The following FCRL5 variants were observed in gnomAD, a reference collection of about 807,000 sequenced individuals.
FCRL5 encodes the protein Fc receptor like 5, also known as Fc receptor-like protein 5.
In FCRL5, 79 loss-of-function variants were observed where a neutral mutation model predicts 92.1. The ratio of observed to expected loss-of-function variants is 0.86; its 90% confidence interval spans 0.72 to 1.03. FCRL5 has a LOEUF of 1.03. FCRL5 is among the 50% of genes least tolerant of loss of function. The pLI is 0.00. For synonymous variants in FCRL5, 466 were observed against 469.3 expected, an observed-to-expected ratio of 0.99 and a Z score of 0.09; for missense variants, 1,160 against 1,181.1, an observed-to-expected ratio of 0.98 and a Z score of 0.26.
At chr1:157,528,837 A>T (rs1428056066) in intron 8 of FCRL5, among the ~76,000 whole-genome samples, 1 of 152,242 alleles carries the variant, frequency 6.6e-6, no homozygotes, top group Non-Finnish European at 1.5e-5. Flanking sequence ...CATAAATCTG[A>T]GACCTAAAAC....
intron 8 of FCRL5, among the ~76,000 whole-genome samples, chr1:157,529,798 A>AT (rs1650606851): frequency 6.6e-6 from 1 of 152,194 alleles, no homozygotes; most frequent in Non-Finnish European, 1.5e-5. Flanking sequence ...AATATAATAG[A>AT]TTCTGGGGAT....
At chr1:157,518,832 C>T in intron 13 of FCRL5, 50 bp from the exon 14 acceptor site, 1 of 1,484,526 alleles carries the variant, frequency 6.7e-7, no homozygotes. Context: ...GACAAAGTAG[C>T]TATAATGATC....
chr1:157,551,818 G>A (rs1007798514), intron 1 of FCRL5, among the ~76,000 whole-genome samples: 9 of 152,160 alleles, frequency 5.9e-5, no homozygotes, highest in South Asian at 2.1e-4. Context: ...GTCCACCTAC[G>A]CCTCTGCGAC....
At chr1:157,551,315 T>C (rs953668976) in intron 1 of FCRL5, among the ~76,000 whole-genome samples, 1 of 152,202 alleles carries the variant, frequency 6.6e-6, no homozygotes, top group African/African-American at 2.4e-5. Flanking sequence ...GGGGCCACAC[T>C]GAGATGTATT....
chr1:157,516,284 T>C (rs1316149280), intron 15 of FCRL5, among the ~76,000 whole-genome samples: 1 of 152,186 alleles, frequency 6.6e-6, no homozygotes, highest in Admixed American at 6.5e-5. Flanking sequence ...ACCTCCGTGG[T>C]TGGGGGAAGT....
intron 8 of FCRL5, among the ~76,000 whole-genome samples, chr1:157,530,753 T>C (rs1429110940): frequency 3.3e-5 from 5 of 152,386 alleles, no homozygotes; most frequent in African/African-American, 1.2e-4. Context: ...GTTTGGGATG[T>C]TGTTGTTTCT....
rs1471020527 is a variant in FCRL5 at position 157,527,744 on chromosome 1, T to C, written c.1833A>G (p.Ser611=). 9 of 1,614,214 alleles carry C rather than the reference T, an allele frequency of 5.6e-6. No homozygotes were observed. In the East Asian group the frequency reaches 2.0e-4, roughly 36 times the overall value. Residue 611 remains serine, a synonymous_variant, in exon 9 of 17, where the codon TCA becomes TCG. Coordinates refer to ENST00000361835, the MANE Select transcript of FCRL5 (RefSeq NM_031281.3). ...YHEDVTLGSS[S]APSGGEASFN... Reference sequence around the variant, plus strand: ...AAGAAGCTTCTCCTCCAGAGGGGGCTGAGCTGCTCCCCAGGGTGACATCCT... The same window carrying C: ...AAGAAGCTTCTCCTCCAGAGGGGGCCGAGCTGCTCCCCAGGGTGACATCCT...
chr1:157,549,731 T>A (rs1339841683), intron 1 of FCRL5, 151 bp from the exon 2 acceptor site: 5 of 553,966 alleles, frequency 9.0e-6, no homozygotes. Context: ...TGTATATATA[T>A]ACACATAAAT....
chr1:157,524,505 C>T lies in FCRL5; in HGVS notation c.2013G>A (p.Val671=). The T allele has an allele frequency of 2.5e-6, 4 of 1,613,984 alleles. No individual in the cohort carries two copies. The highest frequency in any genetic ancestry group is 2.5e-6 in the Non-Finnish European group (3 of 1,179,858). The change falls in exon 10 of 17, where the codon GTG becomes GTA. Residue 671 remains valine (V), a synonymous_variant. Coordinates refer to ENST00000361835, the MANE Select transcript of FCRL5 (RefSeq NM_031281.3). The part of the protein sequence containing the change: ...LTFRAPRAQA[V]VGDLLELHCE... ...AGTGAAGCTCCAGCAGGTCCCCCAC[C>T]ACAGCCTGGGCCCTGGGAGCCCTGA...
At chr1:157,540,941 T>G (rs760561757) in intron 6 of FCRL5, among the ~76,000 whole-genome samples, 1 of 152,182 alleles carries the variant, frequency 6.6e-6, no homozygotes, top group Non-Finnish European at 1.5e-5. Flanking sequence ...CTTTCACAGA[T>G]GAACATGCTG....
In FCRL5 at chr1:157,520,543, C is replaced by A; in HGVS notation, c.2520G>T (p.Leu840=). 1 of 1,584,540 alleles carries A rather than the reference C, an allele frequency of 6.3e-7. No individual in the cohort carries two copies. The highest frequency in any genetic ancestry group is 1.2e-5 in the South Asian group (1 of 86,404). ...CAAAAGGGCCACTTCTGTTCGCGGT[C>A]AGCCCTGAGGGGGAGACCCTGTGTG... ...SETVTLYITG[L]TANRSGPFAT... Residue 840 remains leucine, a synonymous_variant, in exon 12 of 17, where the codon CTG becomes CTT. Transcript: ENST00000361835.
chr1:157,543,214 C>A, intron 5 of FCRL5, 77 bp from the exon 6 acceptor site: 2 of 1,437,226 alleles, frequency 1.4e-6, no homozygotes, highest in Admixed American at 2.0e-5. Flanking sequence ...AGTGCAAATG[C>A]CCAGTCTCCA....
intron 7 of FCRL5, among the ~76,000 whole-genome samples, chr1:157,538,872 A>C (rs750417559): frequency 6.6e-5 from 10 of 152,242 alleles, no homozygotes; most frequent in Non-Finnish European, 1.3e-4. Context: ...AAGCTGCTAC[A>C]TCATTAGGCA....
chr1:157,524,872 C>G (rs1347905646), intron 9 of FCRL5, among the ~76,000 whole-genome samples: 4 of 152,144 alleles, frequency 2.6e-5, no homozygotes, highest in African/African-American at 9.7e-5. Context: ...AAATGAAGAA[C>G]AGGAGAGACT....
chr1:157,545,689 C>T (rs973299423), intron 3 of FCRL5, among the ~76,000 whole-genome samples: 6 of 152,030 alleles, frequency 3.9e-5, no homozygotes, highest in South Asian at 4.2e-4. Context: ...CCACCAAGCC[C>T]GGCTAATTTT....
intron 9 of FCRL5, 51 bp downstream of exon 9, chr1:157,527,566 G>T: frequency 6.6e-7 from 1 of 1,520,752 alleles, no homozygotes; most frequent in East Asian, 2.3e-5. Flanking sequence ...TACTGGTAAA[G>T]TTAGGGGAGA....
chr1:157,529,643 A>T (rs1184415121), intron 8 of FCRL5, among the ~76,000 whole-genome samples: 9 of 152,208 alleles, frequency 5.9e-5, no homozygotes, highest in Non-Finnish European at 1.0e-4. Context: ...CTCAGCCATA[A>T]AAAGGAACAA....
chr1:157,530,480 C>T (rs1279810140), intron 8 of FCRL5, among the ~76,000 whole-genome samples: 1 of 152,222 alleles, frequency 6.6e-6, no homozygotes, highest in Non-Finnish European at 1.5e-5. Context: ...GATTCTCCTG[C>T]CTCAGCCTCC....
In FCRL5 at chr1:157,545,036, A is replaced by G. The variant is rs1191829931; in HGVS notation, c.354T>C (p.Ser118=). The part of the protein sequence containing the change: ...QAPLSVFEGD[S]VVLRCRAKAE... ...CCTTTGCCCGGCACCTCAGAACCAC[A>G]GAGTCTCCTTCAAACACAGAAAGTG... Residue 118 remains serine (S), a synonymous_variant, in exon 4 of 17, where the codon TCT becomes TCC. Coordinates refer to ENST00000361835, the MANE Select transcript of FCRL5 (RefSeq NM_031281.3). 1.2e-6 allele frequency: 2 copies of G among 1,613,140 alleles called. No homozygotes were observed. The highest frequency in any genetic ancestry group is 2.2e-5 in the South Asian group (2 of 91,018).
Sources: allele counts gnomAD v4.1 joint callset (sites outside exome capture counted in the v4.1 genomes callset), GRCh38; gene constraint gnomAD v4.1.1; transcripts MANE v1.5; gene names NCBI Gene and HGNC (gene_info 2026-07-23, HGNC 2026-07-21).